SLC37A1: variants seen among roughly 807,000 people sequenced by gnomAD.
The protein encoded by SLC37A1 is solute carrier family 37 member 1.
SLC37A1 carries 49 observed loss-of-function variants against 75.3 expected under a neutral mutation model. That is an observed-to-expected ratio of 0.65 (90% confidence interval 0.52 to 0.83). SLC37A1 has a LOEUF of 0.83. SLC37A1 is among the 40% of genes least tolerant of loss of function. The pLI is 0.00. For missense variants in SLC37A1, 566 were observed against 695.0 expected, an observed-to-expected ratio of 0.81 and a Z score of 2.09; for synonymous variants, 268 against 292.1, an observed-to-expected ratio of 0.92 and a Z score of 0.84.
At chr21:42,559,984 A>G (rs2055788433) in intron 11 of SLC37A1, among the ~76,000 whole-genome samples, 3 of 152,010 alleles carry the variant, frequency 2.0e-5, no homozygotes, top group Admixed American at 2.0e-4. Flanking sequence ...TGCAGGGACC[A>G]AGGGAAGAAC....
rs144714151 is a variant in SLC37A1 at position 42,571,831 on chromosome 21, G to A, written c.1424-2987G>A. On this transcript the variant is annotated intron_variant, in intron 17 of 19. Transcript: ENST00000352133. Reference sequence around the variant, plus strand: ...CTCTTTTCCTCTTTTTCACATTTCCGACAAAGTTCTTCCTTCCCTGCACCG... The same window carrying A: ...CTCTTTTCCTCTTTTTCACATTTCCAACAAAGTTCTTCCTTCCCTGCACCG... Among the ~76,000 whole-genome samples the A allele has an allele frequency of 3.4e-4, 51 of 151,758 alleles. No individual in the cohort carries two copies. In the East Asian group the frequency reaches 6.2e-3, roughly 18 times the overall value.
chr21:42,564,589 CA>C, intron 13 of SLC37A1, 118 bp from the exon 14 acceptor site: 3 of 762,548 alleles, frequency 3.9e-6, no homozygotes, highest in Non-Finnish European at 4.5e-6. Context: ...GCCCGTGATG[CA>C]TGGAGAGAGG....
chr21:42,511,316 G>A (rs1046887076), upstream of SLC37A1, among the ~76,000 whole-genome samples: 18 of 152,110 alleles, frequency 1.2e-4, no homozygotes, highest in South Asian at 4.1e-4. Context: ...ATACCAAAAC[G>A]TATGGGATGC....
intron 12 of SLC37A1, 98 bp from the exon 13 acceptor site, chr21:42,563,717 G>A: frequency 9.2e-7 from 1 of 1,084,956 alleles, no homozygotes; most frequent in South Asian, 1.3e-5. Flanking sequence ...AGCTTATGAA[G>A]CCAGAGTCCC....
chr21:42,533,405 T>G (rs866435772), intron 3 of SLC37A1, among the ~76,000 whole-genome samples: 1 of 152,214 alleles, frequency 6.6e-6, no homozygotes. Context: ...AAGAGAAGCA[T>G]GGGAGCGACA....
intron 1 of SLC37A1, among the ~76,000 whole-genome samples, chr21:42,501,624 A>G (rs1299695396): frequency 1.3e-5 from 2 of 152,230 alleles, no homozygotes; most frequent in Non-Finnish European, 1.5e-5. Context: ...AGGCAGGAGA[A>G]TCGCTTGAAC....
intron 5 of SLC37A1, among the ~76,000 whole-genome samples, chr21:42,538,668 T>C (rs2055200374): frequency 6.6e-6 from 1 of 152,238 alleles, no homozygotes; most frequent in Non-Finnish European, 1.5e-5. Context: ...ATAGTGACAT[T>C]TCCCATAAAA....
At chr21:42,535,034 T>G (rs909662996) in intron 4 of SLC37A1, among the ~76,000 whole-genome samples, 1 of 152,240 alleles carries the variant, frequency 6.6e-6, no homozygotes, top group Non-Finnish European at 1.5e-5. Flanking sequence ...AAGGTTCTCT[T>G]TATGGGGAAA....
chr21:42,550,027 C>G (rs903953083), intron 9 of SLC37A1, among the ~76,000 whole-genome samples: 5 of 152,192 alleles, frequency 3.3e-5, no homozygotes, highest in Admixed American at 2.6e-4. Flanking sequence ...AAGCAAATAG[C>G]AATCATCTTA....
At chr21:42,531,578 C>T (rs780410670) in intron 3 of SLC37A1, among the ~76,000 whole-genome samples, 13 of 152,108 alleles carry the variant, frequency 8.5e-5, no homozygotes, top group Non-Finnish European at 1.9e-4. Context: ...AGACGTTTCC[C>T]AAAGGACTTG....
chr21:42,511,673 T>A (rs1336515692), upstream of SLC37A1, among the ~76,000 whole-genome samples: 2 of 152,158 alleles, frequency 1.3e-5, no homozygotes, highest in Non-Finnish European at 2.9e-5. Context: ...TATTCTCAGA[T>A]ACTCAGGAGG....
At chr21:42,571,857 T>C (rs1028430106) in intron 17 of SLC37A1, among the ~76,000 whole-genome samples, 2 of 152,188 alleles carry the variant, frequency 1.3e-5, no homozygotes, top group African/African-American at 2.4e-5. Context: ...CCCTGCACCG[T>C]GGTCGCCATC....
Position 42,547,294 on chromosome 21 carries a change from T to C in SLC37A1, c.768+154T>C, listed in dbSNP as rs193257634. 1.2e-6 allele frequency: 1 copy of C among 819,918 alleles called. No homozygotes were observed. Among genetic ancestry groups the C allele is most frequent in the African/African-American group, 1.7e-5 (1 of 58,562 alleles). 50.8% of individuals were successfully genotyped at this position (819,918 alleles called of 1,614,324 possible). On this transcript the variant is annotated intron_variant, in intron 9 of 19. Transcript: ENST00000352133. This position sits in a 1 kb window ranked among gnomAD's most constrained non-coding sequence, Gnocchi z 6.1. ...TTGGCAGTTCTAGGAATAGAGAATA[T>C]TCTGTTTTGGGTTTCGCTGATAATA...
chr21:42,565,845 G>A lies in SLC37A1; in HGVS notation c.1240G>A (p.Val414Ile), dbSNP rs228104. Residue 414 changes from valine (V) to isoleucine (I), a missense_variant, in exon 15 of 20, where the codon GTC becomes ATC. Transcript: ENST00000352133. ...TCCACAGCTCTACATCTTCTCCACC[G>A]TCAGCAAGATGGGGCTTGAGGCCAC... The part of the protein sequence containing the change: ...AAPTLYIFST[V>I]SKMGLEATIA... 1,427,600 of 1,613,586 alleles carry A rather than the reference G, an allele frequency of 0.88. 637,005 individuals carry two copies. Among genetic ancestry groups the A allele is most frequent in the African/African-American group, 0.98 (73,447 of 75,046 alleles).
At chr21:42,543,339 C>T (rs2055328505) in intron 7 of SLC37A1, 97 bp from the exon 8 acceptor site, 7 of 1,424,102 alleles carry the variant, frequency 4.9e-6, no homozygotes, top group East Asian at 4.6e-5. Context: ...GATTCTGCGC[C>T]GACTCCCTAC....
At chr21:42,570,234 T>C (rs1311682541) in intron 17 of SLC37A1, among the ~76,000 whole-genome samples, 1 of 113,660 alleles carries the variant, frequency 8.8e-6, no homozygotes, top group African/African-American at 4.1e-5. Flanking sequence ...CGTTGCCATG[T>C]CATGTGACAC....
intron 8 of SLC37A1, among the ~76,000 whole-genome samples, chr21:42,546,110 C>T (rs189936424): frequency 9.8e-5 from 15 of 152,288 alleles, no homozygotes; most frequent in African/African-American, 3.6e-4. Context: ...CCAGTTTCAT[C>T]CAAGGTGATA....
chr21:42,561,067 T>C (rs902019658), intron 11 of SLC37A1, among the ~76,000 whole-genome samples: 2 of 152,210 alleles, frequency 1.3e-5, no homozygotes, highest in Non-Finnish European at 2.9e-5. Context: ...CTAAGCACAA[T>C]GCCAGGCCCA....
At chr21:42,534,917 C>G in intron 4 of SLC37A1, 87 bp downstream of exon 4, 1 of 1,475,364 alleles carries the variant, frequency 6.8e-7, no homozygotes, top group Non-Finnish European at 9.1e-7. Flanking sequence ...TAATGCTGTT[C>G]CCAGATGTAA....
Sources: allele counts gnomAD v4.1 joint callset (sites outside exome capture counted in the v4.1 genomes callset), GRCh38; gene constraint gnomAD v4.1.1; non-coding constraint Gnocchi (gnomAD v3.1); transcripts MANE v1.5; gene names NCBI Gene and HGNC (gene_info 2026-07-23, HGNC 2026-07-21).